SLC35F4: variants seen among roughly 807,000 people sequenced by gnomAD.
SLC35F4 encodes the protein chromosome 14 open reading frame 36.
SLC35F4 carries 24 observed loss-of-function variants against 44.2 expected under a neutral mutation model. The observed-to-expected ratio is 0.54, with a 90% CI of 0.39 to 0.76. SLC35F4 has a LOEUF of 0.76. Ranked by LOEUF, SLC35F4 falls within the 30% of genes least tolerant of loss-of-function variation. The pLI is 0.00. For missense variants in SLC35F4, 562 were observed against 586.1 expected (o/e 0.96, Z 0.42); for synonymous variants, 238 against 223.6 (o/e 1.06, Z -0.57).
At chr14:57,871,491 C>T (rs936875876) in intron 1 of SLC35F4, among the ~76,000 whole-genome samples, 1 of 152,160 alleles carries the variant, frequency 6.6e-6, no homozygotes, top group South Asian at 2.1e-4. Flanking sequence ...ATTCATTTTA[C>T]AAATAAGCCT....
chr14:57,806,235 C>A (rs1299795211), intron 1 of SLC35F4, among the ~76,000 whole-genome samples: 1 of 152,130 alleles, frequency 6.6e-6, no homozygotes, highest in Admixed American at 6.5e-5. Context: ...AGCAACGACA[C>A]AAATGTTTGT....
At chr14:57,597,532 G>A (rs1341170076) in intron 1 of SLC35F4, among the ~76,000 whole-genome samples, 2 of 152,224 alleles carry the variant, frequency 1.3e-5, no homozygotes, top group Admixed American at 6.5e-5. Flanking sequence ...TCTCAGTTTT[G>A]TATGATGCAG....
chr14:57,718,096 G>A (rs2075989166), intron 1 of SLC35F4, among the ~76,000 whole-genome samples: 1 of 152,144 alleles, frequency 6.6e-6, no homozygotes, highest in Non-Finnish European at 1.5e-5. Context: ...TTGATTGCTG[G>A]ATTACACAAA....
intron 1 of SLC35F4, among the ~76,000 whole-genome samples, chr14:57,656,186 A>G (rs1357214270): frequency 1.3e-5 from 2 of 151,892 alleles, no homozygotes; most frequent in Admixed American, 6.6e-5. Context: ...TATTAACCAC[A>G]TGAGGCTACT....
rs1267183389 is a variant in SLC35F4 at position 57,612,712 on chromosome 14, T to C, written c.104-18588A>G. On this transcript the variant is annotated intron_variant, in intron 1 of 7. Transcript: ENST00000556826. ...GATAACATCTAATTATGCTCTACTGTGTTCAGTAACTTTAATGTGCATATG... is the reference window on the plus strand; with the variant it reads ...GATAACATCTAATTATGCTCTACTGCGTTCAGTAACTTTAATGTGCATATG... Among the ~76,000 whole-genome samples, 5 of 152,340 alleles carry C rather than the reference T, an allele frequency of 3.3e-5. No individual in the cohort carries two copies. In the South Asian group the frequency reaches 1.0e-3, roughly 32 times the overall value.
At chr14:57,739,896 G>A (rs568192352) in intron 1 of SLC35F4, among the ~76,000 whole-genome samples, 4 of 152,324 alleles carry the variant, frequency 2.6e-5, no homozygotes, top group Admixed American at 2.0e-4. Context: ...GTCTCACTCT[G>A]CTGCCCAGGC....
In SLC35F4 at chr14:57,853,249, G is replaced by A. The variant is rs111824686; in HGVS notation, c.103+12474C>T. On this transcript the variant is annotated intron_variant, in intron 1 of 7. Transcript: ENST00000556826. Reference sequence around the variant, plus strand: ...CTAAATAGACACTTGGATTTTCTCAGTTTCTAGGATGATACAGTATCTATA... The same window carrying A: ...CTAAATAGACACTTGGATTTTCTCAATTTCTAGGATGATACAGTATCTATA... Among the ~76,000 whole-genome samples the A allele has an allele frequency of 1.3e-3, 195 of 152,242 alleles. 1 individual carries two copies. The highest frequency in any genetic ancestry group is 4.7e-3 in the African/African-American group (194 of 41,550).
At chr14:57,938,095 T>C (rs1889849069) in intron 1 of SLC35F4, among the ~76,000 whole-genome samples, 1 of 152,102 alleles carries the variant, frequency 6.6e-6, no homozygotes, top group African/African-American at 2.4e-5. Context: ...GATTGCCCAA[T>C]ATTCAGTCTA....
chr14:57,593,394 C>T (rs971594811), intron 2 of SLC35F4, among the ~76,000 whole-genome samples: 6 of 152,044 alleles, frequency 3.9e-5, no homozygotes, highest in Non-Finnish European at 5.9e-5. Context: ...CAGGAGTTGG[C>T]GAGTGGTCAG....
chr14:57,650,540 T>C (rs966923479), intron 1 of SLC35F4, among the ~76,000 whole-genome samples: 6 of 152,120 alleles, frequency 3.9e-5, no homozygotes, highest in African/African-American at 1.4e-4. Context: ...ACCTAATTCA[T>C]ACCTCTGTCA....
intron 4 of SLC35F4, among the ~76,000 whole-genome samples, chr14:57,580,043 C>T (rs1049482323): frequency 6.6e-6 from 1 of 152,090 alleles, no homozygotes; most frequent in South Asian, 2.1e-4. Context: ...TAAGATAAGC[C>T]AGTAAAGAAT....
At chr14:57,743,251 A>C (rs1000528085) in intron 1 of SLC35F4, among the ~76,000 whole-genome samples, 2 of 152,074 alleles carry the variant, frequency 1.3e-5, no homozygotes, top group Admixed American at 6.6e-5. Context: ...ATAGAGACAT[A>C]AAAAAACCCT....
chr14:57,902,784 T>TA (rs1889030094), intron 1 of SLC35F4, among the ~76,000 whole-genome samples: 2 of 152,294 alleles, frequency 1.3e-5, no homozygotes, highest in East Asian at 1.9e-4. Context: ...ATCCCCTACT[T>TA]ACTCTTGAAT....
At chr14:57,832,715 C>G (rs1264959532) in intron 1 of SLC35F4, among the ~76,000 whole-genome samples, 1 of 152,158 alleles carries the variant, frequency 6.6e-6, no homozygotes, top group Non-Finnish European at 1.5e-5. Flanking sequence ...TTTGCATGTT[C>G]TGGCTCTACA....
chr14:57,982,878 C>CT (rs1416725810), upstream of SLC35F4, among the ~76,000 whole-genome samples: 2 of 152,080 alleles, frequency 1.3e-5, no homozygotes, highest in African/African-American at 4.8e-5. Context: ...CGCATTGAGT[C>CT]TTTTTTGAAT....
chr14:57,577,049 A>G (rs1386893597), intron 4 of SLC35F4, among the ~76,000 whole-genome samples: 1 of 152,236 alleles, frequency 6.6e-6, no homozygotes, highest in Non-Finnish European at 1.5e-5. Flanking sequence ...TGCCTCTTCC[A>G]GGAAGCATGG....
At chr14:57,966,641 A>G (rs1475860731) in intron 1 of SLC35F4, among the ~76,000 whole-genome samples, 2 of 152,352 alleles carry the variant, frequency 1.3e-5, no homozygotes, top group Admixed American at 6.5e-5. Context: ...AAAAACTTAA[A>G]AACAGTTTTA....
intron 1 of SLC35F4, among the ~76,000 whole-genome samples, chr14:57,623,219 C>T (rs1281894358): frequency 1.3e-5 from 2 of 152,148 alleles, no homozygotes; most frequent in East Asian, 1.9e-4. Context: ...CAAAGAAGGG[C>T]ATTACATAAT....
intron 1 of SLC35F4, among the ~76,000 whole-genome samples, chr14:57,912,432 A>T (rs577659004): frequency 3.3e-5 from 5 of 151,944 alleles, no homozygotes; most frequent in African/African-American, 4.8e-5. Flanking sequence ...TTATGCCACA[A>T]ATTTTGGTAT....
Sources: allele counts gnomAD v4.1 joint callset (sites outside exome capture counted in the v4.1 genomes callset), GRCh38; gene constraint gnomAD v4.1.1; transcripts MANE v1.5; gene names NCBI Gene and HGNC (gene_info 2026-07-23, HGNC 2026-07-21).